The following ACSM3 variants were observed in gnomAD, a reference collection of about 807,000 sequenced individuals.
ACSM3 encodes acyl-coenzyme A synthetase ACSM3, mitochondrial.
A neutral mutation model predicts 74.1 loss-of-function variants in ACSM3; 61 were observed. That is an observed-to-expected ratio of 0.82 (90% CI 0.67 to 1.02). The LOEUF is 1.02. ACSM3 is among the 50% of genes least tolerant of loss of function. The pLI is 0.00. For synonymous variants in ACSM3, 213 were observed against 241.5 expected (o/e 0.88, Z 1.09); for missense variants, 660 against 697.0 (o/e 0.95, Z 0.60).
chr16:20,742,813 A>ATATATATATTT (rs61582869), intron 1 of ACSM3, among the ~76,000 whole-genome samples: 312 of 66,784 alleles, frequency 4.7e-3, no homozygotes, highest in South Asian at 7.2e-3. Flanking sequence ...ATATATATAT[A>ATATATATATTT]TTTTTTTTTT....
intron 1 of ACSM3, among the ~76,000 whole-genome samples, chr16:20,695,507 T>C (rs2079684654): frequency 6.6e-6 from 1 of 152,180 alleles, no homozygotes; most frequent in South Asian, 2.1e-4. Context: ...TACCTGAACA[T>C]AGACACCATA....
At position 20,739,884 on chromosome 16, in the gene ACSM3, A is replaced by G. The variant is rs148043923; in HGVS notation, c.-189-10026A>G. Among the ~76,000 whole-genome samples, 821 of 152,256 alleles carry G rather than the reference A, an allele frequency of 5.4e-3. 5 individuals carry two copies. Among genetic ancestry groups the G allele is most frequent in the African/African-American group, 0.018 (768 of 41,542 alleles). On this transcript the variant is annotated intron_variant, in intron 1 of 3. Coordinates refer to the ACSM3 transcript ENST00000561584. ...GGAATTCCCGCAGACTATAGAATGT[A>G]AAATTTGAAAATGTTTTCAAAAGCA... is the stretch of plus-strand genomic sequence containing the variant.
chr16:20,737,547 G>A (rs1342315570), intron 1 of ACSM3, among the ~76,000 whole-genome samples: 6 of 151,932 alleles, frequency 3.9e-5, no homozygotes, highest in Admixed American at 2.6e-4. Context: ...TCTCATATCC[G>A]ACATATTGAA....
chr16:20,784,758 T>C (rs1343705277), intron 7 of ACSM3: 5 of 290,704 alleles, frequency 1.7e-5, no homozygotes, highest in Non-Finnish European at 3.2e-5. Context: ...TCTAGTATCA[T>C]TCTATGATAT....
rs372489239 is a variant in ACSM3, at chr16:20,741,555, T to G, written c.-189-8355T>G. 6 of 1,350,150 alleles carry G rather than the reference T, an allele frequency of 4.4e-6. No homozygotes were observed. The African/African-American group carries it at 9.4e-5, about 21-fold the overall frequency. The allele number at this position is 1,350,150 out of a possible 1,614,324, so 83.6% of individuals were successfully genotyped here. Reference sequence around the variant, plus strand: ...GTCGCCGTATTCGTTGAGGAGGCTGTAGGCCTCCTCCACGCACTTGCGCTC... The same window carrying G: ...GTCGCCGTATTCGTTGAGGAGGCTGGAGGCCTCCTCCACGCACTTGCGCTC... On this transcript the variant is annotated intron_variant, in intron 1 of 3. Transcript: ENST00000561584.
rs556946107 is a variant in ACSM3 at position 20,724,214 on chromosome 16, G to A, written c.-189-25696G>A. Among the ~76,000 whole-genome samples, 6 of 152,276 alleles carry A rather than the reference G, an allele frequency of 3.9e-5. No homozygotes were observed. The East Asian group carries it at 1.2e-3, about 29-fold the overall frequency. ...GTAGATATTCATCCCTGGGATGCAA[G>A]GCTGGTTCAACATACGAAAATCAAT... On this transcript the variant is annotated intron_variant, in intron 1 of 3. Transcript: ENST00000561584.
intron 1 of ACSM3, chr16:20,749,480 C>G (rs1472582197): frequency 1.3e-5 from 2 of 152,186 alleles, no homozygotes; most frequent in Non-Finnish European, 2.9e-5. Flanking sequence ...ACCCCCTTTG[C>G]TGTCAGGGTT....
chr16:20,730,102 C>A (rs899937516), intron 1 of ACSM3, among the ~76,000 whole-genome samples: 1 of 152,142 alleles, frequency 6.6e-6, no homozygotes, highest in Admixed American at 6.5e-5. Flanking sequence ...ATATGCTGAT[C>A]GGCCAGACTT....
chr16:20,794,943 A>G (rs768136493), intron 12 of ACSM3, among the ~76,000 whole-genome samples: 30 of 152,254 alleles, frequency 2.0e-4, no homozygotes, highest in Non-Finnish European at 3.7e-4. Context: ...CAAGTTGTAG[A>G]AATCGTCAAT....
intron 1 of ACSM3, among the ~76,000 whole-genome samples, chr16:20,685,775 G>A (rs1478427879): frequency 1.5e-5 from 2 of 136,618 alleles, no homozygotes; most frequent in African/African-American, 5.5e-5. Flanking sequence ...AGCCAAGATT[G>A]CACCATTGCA....
chr16:20,791,926 G>C, intron 10 of ACSM3, 76 bp from the exon 11 acceptor site: 1 of 1,479,322 alleles, frequency 6.8e-7, no homozygotes, highest in Non-Finnish European at 9.2e-7. Flanking sequence ...AGACTGTCTC[G>C]GAAAAAAAAA....
intron 1 of ACSM3, among the ~76,000 whole-genome samples, chr16:20,677,051 C>A (rs547230272): frequency 6.6e-6 from 1 of 152,112 alleles, no homozygotes; most frequent in South Asian, 2.1e-4. Context: ...CAAAAGCAAT[C>A]TGTTTGTGCA....
At chr16:20,737,915 T>G in intron 1 of ACSM3, 1 of 1,613,706 alleles carries the variant, frequency 6.2e-7, no homozygotes, top group Non-Finnish European at 8.5e-7. Flanking sequence ...TTCTTGGTTT[T>G]GTACATATCC....
intron 1 of ACSM3, among the ~76,000 whole-genome samples, chr16:20,693,408 A>C (rs1282211042): frequency 6.6e-6 from 1 of 152,212 alleles, no homozygotes; most frequent in African/African-American, 2.4e-5. Context: ...TGATTGGAAA[A>C]AATGGCTTAA....
At chr16:20,695,440 GA>G (rs1317605283) in intron 1 of ACSM3, among the ~76,000 whole-genome samples, 3 of 152,054 alleles carry the variant, frequency 2.0e-5, no homozygotes, top group Non-Finnish European at 4.4e-5. Context: ...TAAGCCAGAG[GA>G]AAAAAATTTC....
At chr16:20,694,073 AGCCT>A (rs1482781330) in intron 1 of ACSM3, among the ~76,000 whole-genome samples, 2 of 152,252 alleles carry the variant, frequency 1.3e-5, no homozygotes, top group Non-Finnish European at 2.9e-5. Context: ...ATTAGGCCAT[AGCCT>A]GTTCCTCTTG....
chr16:20,797,311 G>C lies in ACSM3; in HGVS notation c.*339G>C. ...AGTTGACTAATTCTTCTGATATGTT[G>C]ATATACAAATCAGAACCAATGTTCA... On this transcript the variant is annotated 3_prime_UTR_variant, in exon 14 of 14. Coordinates refer to ENST00000289416, the MANE Select transcript of ACSM3 (RefSeq NM_005622.4). 1 of 1,024,176 alleles carries C rather than the reference G, an allele frequency of 9.8e-7. No individual in the cohort carries two copies. The highest frequency in any genetic ancestry group is 1.2e-6 in the Non-Finnish European group (1 of 857,044). The allele number at this position is 1,024,176 out of a possible 1,614,324, so 63.4% of individuals were successfully genotyped here. A position where few individuals can be genotyped will look rare whatever the true frequency, so the allele number is the denominator to read the frequency against.
At chr16:20,685,490 C>G in intron 1 of ACSM3, 1 of 1,216,226 alleles carries the variant, frequency 8.2e-7, no homozygotes, top group Non-Finnish European at 1.2e-6. Flanking sequence ...AGTCACGTTC[C>G]AATGTGAACA....
At chr16:20,739,678 C>T (rs193302572) in intron 1 of ACSM3, among the ~76,000 whole-genome samples, 70 of 151,578 alleles carry the variant, frequency 4.6e-4, no homozygotes, top group African/African-American at 1.6e-3. Flanking sequence ...AAAATTAGCC[C>T]GATGTGGTGG....
Sources: gnomAD v4.1 joint callset for allele counts (sites outside exome capture counted in the v4.1 genomes callset) on GRCh38, gnomAD v4.1.1 for gene constraint, MANE v1.5 for transcripts, NCBI Gene and HGNC (gene_info 2026-07-23, HGNC 2026-07-21) for gene names.